The following L3MBTL3 variants were observed in gnomAD, a reference collection of about 807,000 sequenced individuals.
L3MBTL3 encodes the protein L3MBTL histone methyl-lysine binding protein 3.
Under a neutral mutation model 102.3 loss-of-function variants are expected in L3MBTL3, and 27 were observed. The ratio of observed to expected loss-of-function variants is 0.26; its 90% CI spans 0.19 to 0.36. The LOEUF (loss-of-function observed/expected upper bound fraction) is 0.36, where lower values mean the gene tolerates loss of function less well. Ranked by LOEUF, L3MBTL3 falls within the 10% of genes least tolerant of loss-of-function variation. The pLI, the probability that L3MBTL3 is intolerant of heterozygous loss-of-function variation, is 1.00. For synonymous variants in L3MBTL3, 340 were observed against 320.9 expected (o/e 1.06, Z -0.64); for missense variants, 798 against 955.3 (o/e 0.84, Z 2.17).
At chr6:130,136,089 C>G (rs1048232705) in intron 22 of L3MBTL3, among the ~76,000 whole-genome samples, 1 of 149,898 alleles carries the variant, frequency 6.7e-6, no homozygotes, top group Non-Finnish European at 1.5e-5. Context: ...TATCACCCTA[C>G]TGCCACCACC....
chr6:130,132,909 T>C (rs931571988), intron 20 of L3MBTL3, among the ~76,000 whole-genome samples: 4 of 152,186 alleles, frequency 2.6e-5, no homozygotes, highest in Admixed American at 1.3e-4. Flanking sequence ...TTTATTGCAA[T>C]AATTTCATAT....
At chr6:130,043,824 A>G (rs73614230) in intron 3 of L3MBTL3, among the ~76,000 whole-genome samples, 5,393 of 152,220 alleles carry the variant, frequency 0.035, 308 homozygotes, top group African/African-American at 0.12. Flanking sequence ...CATTGGAAAA[A>G]TACTTAGATT....
chr6:130,087,080 G>A (rs968786035), intron 16 of L3MBTL3, among the ~76,000 whole-genome samples: 2 of 152,086 alleles, frequency 1.3e-5, no homozygotes, highest in Non-Finnish European at 2.9e-5. Flanking sequence ...GTGGCAGAAT[G>A]ACTTCTTAGT....
chr6:130,029,832 CTTT>C (rs754667247), intron 2 of L3MBTL3, among the ~76,000 whole-genome samples: 13 of 152,110 alleles, frequency 8.5e-5, no homozygotes, highest in Admixed American at 7.2e-4. Flanking sequence ...CTGCCCTCCT[CTTT>C]TTGAGACAGA....
At chr6:130,120,823 A>C in intron 19 of L3MBTL3, 56 bp from the exon 20 acceptor site, 1 of 1,337,174 alleles carries the variant, frequency 7.5e-7, no homozygotes, top group East Asian at 2.3e-5. Flanking sequence ...TGTAGTTCTG[A>C]ACCATTTTTT....
intron 19 of L3MBTL3, 25 bp from the exon 20 acceptor site, chr6:130,120,854 A>T: frequency 6.4e-7 from 1 of 1,568,868 alleles, no homozygotes; most frequent in Non-Finnish European, 8.8e-7. Flanking sequence ...CTCTTATAAA[A>T]TATTGAAATG....
At chr6:130,080,828 A>G (rs2115092969) in intron 14 of L3MBTL3, among the ~76,000 whole-genome samples, 1 of 152,358 alleles carries the variant, frequency 6.6e-6, no homozygotes, top group Middle Eastern at 3.4e-3. Flanking sequence ...AAATGAACAA[A>G]CAAAACTGCC....
intron 13 of L3MBTL3, among the ~76,000 whole-genome samples, chr6:130,074,618 A>G (rs1782841522): frequency 6.6e-6 from 1 of 152,220 alleles, no homozygotes; most frequent in African/African-American, 2.4e-5. Flanking sequence ...CACAAAGAGA[A>G]CAGTCACCTC....
intron 19 of L3MBTL3, among the ~76,000 whole-genome samples, chr6:130,117,335 G>T (rs1785782665): frequency 6.6e-6 from 1 of 150,772 alleles, no homozygotes; most frequent in Admixed American, 6.6e-5. Context: ...GTATTCCATG[G>T]TGTATATGTG....
intron 19 of L3MBTL3, among the ~76,000 whole-genome samples, chr6:130,111,368 T>A (rs1562321433): frequency 6.6e-6 from 1 of 152,112 alleles, no homozygotes; most frequent in Non-Finnish European, 1.5e-5. Flanking sequence ...AGGCTGTACA[T>A]GTTAATTCCC....
intron 2 of L3MBTL3, among the ~76,000 whole-genome samples, chr6:130,025,411 G>A (rs1164022775): frequency 1.3e-5 from 2 of 152,116 alleles, no homozygotes; most frequent in African/African-American, 2.4e-5. Context: ...AATGATGAAC[G>A]GATTTGTATT....
intron 3 of L3MBTL3, among the ~76,000 whole-genome samples, chr6:130,048,941 AACACACACAC>A (rs6149808): frequency 3.2e-4 from 25 of 78,526 alleles, no homozygotes; most frequent in Non-Finnish European, 6.2e-4. Flanking sequence ...TCTTAGTTAA[AACACACACAC>A]ACACACACAC....
chr6:130,030,665 T>TAA (rs548921467), intron 2 of L3MBTL3, among the ~76,000 whole-genome samples: 1,289 of 48,482 alleles, frequency 0.027, 124 homozygotes, highest in African/African-American at 0.1. Flanking sequence ...AGACTCTACC[T>TAA]AAAAAAAAAA....
chr6:130,092,757 G>A lies in L3MBTL3; in HGVS notation c.1531G>A (p.Gly511Ser), dbSNP rs1245312282. The A allele has an allele frequency of 1.9e-6, 3 of 1,609,818 alleles. No homozygotes were observed. In the East Asian group the frequency reaches 6.7e-5, roughly 36 times the overall value. Residue 511 changes from glycine to serine, a missense_variant, in exon 17 of 23, where the codon GGC becomes AGC. By Grantham distance (56) the Gly-to-Ser change is moderately conservative (BLOSUM62 0). Around this residue, in one of 4 missense-constraint regions of L3MBTL3, gnomAD observed 306 missense variants for 314.4 expected, o/e 0.97. Coordinates refer to ENST00000361794, the MANE Select transcript of L3MBTL3 (RefSeq NM_032438.4). ...DDHRVKVHFD[G>S]WNNCYDYWID... Reference sequence around the variant, plus strand: ...TTGTGTCATCCAGGTTCACTTTGATGGCTGGAACAATTGCTATGATTACTG... The same window carrying A: ...TTGTGTCATCCAGGTTCACTTTGATAGCTGGAACAATTGCTATGATTACTG...
chr6:130,058,375 T>G (rs1781664250), intron 9 of L3MBTL3, among the ~76,000 whole-genome samples: 1 of 151,872 alleles, frequency 6.6e-6, no homozygotes, highest in Non-Finnish European at 1.5e-5. Flanking sequence ...GGCACATGCC[T>G]GCCTGCAGTC....
rs1425538181 is a variant in L3MBTL3, at chr6:130,117,243, A to G, written c.1887-3636A>G. ...CCGTGTTTGGTTTTTTGTTCTTGTG[A>G]TAGTTTACTGAGAATGATGATTTCC... is the stretch of plus-strand genomic sequence containing the variant. On this transcript the variant is annotated intron_variant, in intron 19 of 22. Coordinates refer to ENST00000361794, the MANE Select transcript of L3MBTL3 (RefSeq NM_032438.4). 2.1e-4 allele frequency among the ~76,000 whole-genome samples: 30 copies of G among 146,140 alleles called. 1 individual carries two copies. The highest frequency in any genetic ancestry group is 1.9e-3 in the Admixed American group (27 of 14,430).
At chr6:130,097,245 G>T (rs1784412801) in intron 18 of L3MBTL3, among the ~76,000 whole-genome samples, 1 of 152,202 alleles carries the variant, frequency 6.6e-6, no homozygotes, top group East Asian at 1.9e-4. Context: ...TCTTTGAAAG[G>T]TTTATTTCAC....
chr6:130,088,777 C>T (rs1783849447), intron 16 of L3MBTL3, among the ~76,000 whole-genome samples: 2 of 152,132 alleles, frequency 1.3e-5, no homozygotes, highest in African/African-American at 4.8e-5. Context: ...TCTACTCTTT[C>T]TCAGTTCATC....
At chr6:130,054,433 C>G (rs1212068012) in intron 7 of L3MBTL3, among the ~76,000 whole-genome samples, 3 of 152,052 alleles carry the variant, frequency 2.0e-5, no homozygotes, top group Non-Finnish European at 4.4e-5. Context: ...ATCAGGGAAA[C>G]CAGTTAGGAG....
Sources: gnomAD v4.1 joint callset for allele counts (sites outside exome capture counted in the v4.1 genomes callset) on GRCh38, gnomAD v4.1.1 for gene constraint, gnomAD v4.1.1 regional missense constraint, MANE v1.5 for transcripts, NCBI Gene and HGNC (gene_info 2026-07-23, HGNC 2026-07-21) for gene names.